Variants in TANC2 observed in about 807,000 individuals in gnomAD.
The protein encoded by TANC2 is protein TANC2.
In TANC2, 26 loss-of-function variants were observed where a neutral mutation model predicts 210.5. The observed-to-expected ratio is 0.12, with a 90% confidence interval of 0.09 to 0.17. The LOEUF is 0.17. TANC2 is among the 10% of genes least tolerant of loss of function. The probability of loss-of-function intolerance (pLI) is 1.00; values close to 1 mark genes in which losing one functional copy is unlikely to be tolerated. For synonymous variants in TANC2, 931 were observed against 967.1 expected (o/e 0.96, Z 0.69); for missense variants, 2,129 against 2,608.9 (o/e 0.82, Z 4.01).
At chr17:63,096,498 T>C (rs1363799859) in intron 3 of TANC2, among the ~76,000 whole-genome samples, 1 of 152,172 alleles carries the variant, frequency 6.6e-6, no homozygotes, top group Non-Finnish European at 1.5e-5. Flanking sequence ...AGTGGAATAA[T>C]ACAAATGTGG....
intron 1 of TANC2, among the ~76,000 whole-genome samples, chr17:63,006,055 T>C (rs532058142): frequency 1.3e-5 from 2 of 152,046 alleles, no homozygotes; most frequent in Non-Finnish European, 2.9e-5. Context: ...ATACATTTTA[T>C]ATTAAATGTT....
At chr17:62,990,145 G>A (rs896500520) in intron 1 of TANC2, among the ~76,000 whole-genome samples, 6 of 152,074 alleles carry the variant, frequency 3.9e-5, no homozygotes, top group Non-Finnish European at 7.3e-5. Flanking sequence ...GCAACTTAGC[G>A]ATGATACTAA....
intron 8 of TANC2, among the ~76,000 whole-genome samples, chr17:63,240,524 C>G (rs1055020652): frequency 1.3e-5 from 2 of 152,180 alleles, no homozygotes; most frequent in East Asian, 1.9e-4. Flanking sequence ...CTTCCCTTAG[C>G]CCCAAGTGTA....
chr17:63,175,758 G>A (rs1329917556), intron 5 of TANC2, among the ~76,000 whole-genome samples: 2 of 152,118 alleles, frequency 1.3e-5, no homozygotes, highest in African/African-American at 4.8e-5. Context: ...GAAAATATCA[G>A]TGTACATATA....
chr17:63,120,216 A>G (rs1420312989), intron 4 of TANC2, among the ~76,000 whole-genome samples: 1 of 151,904 alleles, frequency 6.6e-6, no homozygotes, highest in Non-Finnish European at 1.5e-5. Context: ...TAAAGATTGT[A>G]TATTAACCTA....
chr17:63,413,691 G>A (rs2048775462), intron 25 of TANC2, 57 bp downstream of exon 25: 16 of 1,445,074 alleles, frequency 1.1e-5, no homozygotes, highest in Non-Finnish European at 1.5e-5. Flanking sequence ...TTTTCCATGT[G>A]TAGAATCTTA....
chr17:63,135,158 G>T (rs573276002), intron 4 of TANC2, among the ~76,000 whole-genome samples: 1 of 152,308 alleles, frequency 6.6e-6, no homozygotes, highest in Non-Finnish European at 1.5e-5. Flanking sequence ...CAAGACTGCA[G>T]TGAGCCATGC....
chr17:63,233,480 G>T lies in TANC2; in HGVS notation c.770-4334G>T, dbSNP rs575461095. ...TTGGCTGGGGGTGGGAGCTCCCCTT[G>T]CCCTGTGTGGCTCCTGAGTGGGCCA... On this transcript the variant is annotated intron_variant, in intron 7 of 27. Coordinates refer to ENST00000689528, the Ensembl canonical transcript of TANC2. 2.6e-5 allele frequency among the ~76,000 whole-genome samples: 4 copies of T among 152,298 alleles called. No individual in the cohort carries two copies. The South Asian group carries it at 8.3e-4, about 32-fold the overall frequency.
chr17:63,200,907 C>T, exon 7 of TANC2: 2 of 1,613,760 alleles, frequency 1.2e-6, no homozygotes, highest in Non-Finnish European at 1.7e-6. Flanking sequence ...AGCTATGGGG[C>T]TGTTACTAGT....
intron 9 of TANC2, among the ~76,000 whole-genome samples, chr17:63,306,812 C>T (rs1385115385): frequency 2.0e-5 from 3 of 152,026 alleles, no homozygotes; most frequent in South Asian, 2.1e-4. Context: ...AAAATAGTCA[C>T]GTATGGTGGG....
chr17:63,388,736 T>A, exon 16 of TANC2: 1 of 1,565,032 alleles, frequency 6.4e-7, no homozygotes, highest in Non-Finnish European at 8.7e-7. Context: ...CTTTACGAAA[T>A]CTCTACACTC....
chr17:63,115,747 C>T (rs958923808), intron 4 of TANC2, among the ~76,000 whole-genome samples: 9 of 152,060 alleles, frequency 5.9e-5, no homozygotes, highest in African/African-American at 1.2e-4. Flanking sequence ...GAATTTTAAG[C>T]CTTTGCTTTG....
intron 4 of TANC2, among the ~76,000 whole-genome samples, chr17:63,121,968 T>C (rs978540663): frequency 6.9e-5 from 5 of 72,960 alleles, no homozygotes; most frequent in African/African-American, 2.8e-4. Flanking sequence ...CTTCATCTCT[T>C]GCGGGGGGAG....
intron 3 of TANC2, among the ~76,000 whole-genome samples, chr17:63,090,748 G>A (rs1020640546): frequency 1.3e-5 from 2 of 152,160 alleles, no homozygotes; most frequent in African/African-American, 2.4e-5. Context: ...GGGTCAAATG[G>A]TATTTCTACT....
At chr17:63,328,965 C>A (rs2045746952) in intron 11 of TANC2, among the ~76,000 whole-genome samples, 1 of 151,986 alleles carries the variant, frequency 6.6e-6, no homozygotes, top group African/African-American at 2.4e-5. Context: ...CAACTTTTAG[C>A]ATAGTATCAA....
rs145511180 is a variant in TANC2, at chr17:63,259,994, G to A, written c.1034-7754G>A. ...GTGATTTATTAGTATATGATATACA[G>A]GGTACATTACTTTGCATTAGCAAGG... On this transcript the variant is annotated intron_variant, in intron 8 of 27. Transcript: ENST00000689528. Among the ~76,000 whole-genome samples the A allele has an allele frequency of 2.6e-5, 4 of 152,290 alleles. No homozygotes were observed. In the East Asian group the frequency reaches 5.8e-4, roughly 22 times the overall value.
At chr17:63,274,933 T>G (rs982712319) in intron 9 of TANC2, among the ~76,000 whole-genome samples, 4 of 152,146 alleles carry the variant, frequency 2.6e-5, no homozygotes, top group Non-Finnish European at 5.9e-5. Flanking sequence ...TAATGAAAGC[T>G]CTCTCATTCC....
chr17:63,389,721 G>A (rs1387815526), intron 17 of TANC2, 177 bp downstream of exon 17: 2 of 659,198 alleles, frequency 3.0e-6, no homozygotes, highest in Non-Finnish European at 2.6e-6. Flanking sequence ...CATCCATCCT[G>A]CAGGAGCACA....
At chr17:62,980,177 C>G (rs575276024) in intron 1 of TANC2, among the ~76,000 whole-genome samples, 1 of 152,298 alleles carries the variant, frequency 6.6e-6, no homozygotes, top group Admixed American at 6.5e-5. Context: ...GAGCTCTCTT[C>G]CTGAGGGCAC....
Sources: allele counts gnomAD v4.1 joint callset (sites outside exome capture counted in the v4.1 genomes callset), GRCh38; gene constraint gnomAD v4.1.1; transcripts MANE v1.5; gene names NCBI Gene and HGNC (gene_info 2026-07-23, HGNC 2026-07-21).